Variants in TBC1D14 observed in about 807,000 individuals in gnomAD.
TBC1D14 encodes the protein TBC1 domain family member 14, also known as TBC1 domain family, member 14.
In TBC1D14, 26 loss-of-function variants were observed where a neutral mutation model predicts 79.0. The ratio of observed to expected loss-of-function variants is 0.33; its 90% CI spans 0.24 to 0.46. The LOEUF is 0.46. Among genes scored for constraint, TBC1D14 ranks in the 20% least tolerant of loss-of-function variants. TBC1D14 has a pLI of 1.00. For synonymous variants in TBC1D14, 394 were observed against 349.9 expected, an observed-to-expected ratio of 1.13 and a Z score of -1.40; for missense variants, 769 against 887.6, an observed-to-expected ratio of 0.87 and a Z score of 1.70.
At chr4:6,956,657 AGG>A (rs1714670433) in intron 2 of TBC1D14, among the ~76,000 whole-genome samples, 1 of 152,204 alleles carries the variant, frequency 6.6e-6, no homozygotes, top group South Asian at 2.1e-4. Context: ...TCTCTGTGGA[AGG>A]GCAAGGCTGG....
intron 3 of TBC1D14, chr4:6,987,290 C>T (rs1717958953): frequency 2.2e-6 from 3 of 1,353,556 alleles, no homozygotes; most frequent in South Asian, 1.8e-5. Flanking sequence ...GGGAGGCCGG[C>T]CCTCCGCTCG....
chr4:6,911,331 T>C (rs1722972011), intron 1 of TBC1D14, among the ~76,000 whole-genome samples: 1 of 152,208 alleles, frequency 6.6e-6, no homozygotes, highest in African/African-American at 2.4e-5. Flanking sequence ...TGTCAGCTGG[T>C]ACTAAGGGAG....
At chr4:6,925,613 T>C (rs768511581) in intron 2 of TBC1D14, among the ~76,000 whole-genome samples, 1 of 152,194 alleles carries the variant, frequency 6.6e-6, no homozygotes, top group Non-Finnish European at 1.5e-5. Flanking sequence ...AACTTTCTTC[T>C]CGAATGTGCT....
chr4:7,016,576 A>G (rs1316615295), intron 12 of TBC1D14, among the ~76,000 whole-genome samples: 1 of 152,170 alleles, frequency 6.6e-6, no homozygotes, highest in African/African-American at 2.4e-5. Flanking sequence ...TGTCTTTCAA[A>G]CTTTTCCCAC....
chr4:6,968,693 A>ACTGCTGG (rs1553862015), intron 3 of TBC1D14, among the ~76,000 whole-genome samples: 2 of 148,108 alleles, frequency 1.4e-5, no homozygotes, highest in African/African-American at 2.4e-5. Context: ...CTGACCGCCG[A>ACTGCTGG]GAGGAGGCTG....
chr4:6,937,858 GT>G (rs1712495185), intron 2 of TBC1D14, among the ~76,000 whole-genome samples: 2 of 152,138 alleles, frequency 1.3e-5, no homozygotes, highest in African/African-American at 4.8e-5. Flanking sequence ...GGTCGTCACC[GT>G]GTGGGCGGGG....
At chr4:6,961,281 A>G (rs1715167353) in intron 2 of TBC1D14, among the ~76,000 whole-genome samples, 1 of 152,174 alleles carries the variant, frequency 6.6e-6, no homozygotes, top group Admixed American at 6.5e-5. Flanking sequence ...AGGCTCTGCC[A>G]TATGGCTTTA....
intron 2 of TBC1D14, among the ~76,000 whole-genome samples, chr4:6,925,883 C>T (rs551826604): frequency 7.2e-5 from 11 of 152,288 alleles, no homozygotes; most frequent in African/African-American, 1.7e-4. Context: ...AGGATCCATC[C>T]AGACATACAG....
intron 1 of TBC1D14, among the ~76,000 whole-genome samples, chr4:6,913,582 C>T (rs1375740962): frequency 7.2e-5 from 11 of 152,170 alleles, no homozygotes; most frequent in Admixed American, 7.2e-4. Context: ...TTCCTCAGTG[C>T]CCTTGGCAGG....
chr4:7,027,699 C>T (rs1261759845), intron 13 of TBC1D14, among the ~76,000 whole-genome samples: 1 of 124,994 alleles, frequency 8.0e-6, no homozygotes, highest in East Asian at 2.8e-4. Context: ...AATCACCCCC[C>T]ACACATCACA....
intron 2 of TBC1D14, among the ~76,000 whole-genome samples, chr4:6,962,384 C>T (rs1175671875): frequency 5.3e-5 from 8 of 152,126 alleles, no homozygotes; most frequent in African/African-American, 1.9e-4. Flanking sequence ...CGATTGTTTA[C>T]TTGCCGTGCC....
chr4:6,915,367 A>G (rs1490743392), intron 1 of TBC1D14, among the ~76,000 whole-genome samples: 1 of 152,150 alleles, frequency 6.6e-6, no homozygotes, highest in East Asian at 1.9e-4. Context: ...GTTGGGGGTC[A>G]CTGCACCTGC....
chr4:6,984,199 C>T (rs1047691164), intron 3 of TBC1D14, among the ~76,000 whole-genome samples: 35 of 152,236 alleles, frequency 2.3e-4, no homozygotes, highest in Admixed American at 2.0e-3. Context: ...TACAGTCAGT[C>T]GTGTGGACTT....
chr4:6,993,622 G>C (rs1388235173), intron 3 of TBC1D14, among the ~76,000 whole-genome samples: 1 of 152,198 alleles, frequency 6.6e-6, no homozygotes, highest in African/African-American at 2.4e-5. Flanking sequence ...TCCTCAAAGG[G>C]GCTGCTTTGA....
intron 12 of TBC1D14, among the ~76,000 whole-genome samples, chr4:7,018,994 G>A (rs1228904510): frequency 3.3e-5 from 5 of 152,136 alleles, no homozygotes; most frequent in Non-Finnish European, 7.4e-5. Context: ...CCTTGGAGAT[G>A]CTGTCATTGC....
intron 11 of TBC1D14, among the ~76,000 whole-genome samples, chr4:7,013,899 A>T (rs1281842686): frequency 1.3e-5 from 2 of 151,908 alleles, no homozygotes; most frequent in South Asian, 2.1e-4. Context: ...GCCCGCCACC[A>T]CGCCTGGCTA....
chr4:6,963,413 G>C (rs1715420911), intron 2 of TBC1D14, among the ~76,000 whole-genome samples: 1 of 152,238 alleles, frequency 6.6e-6, no homozygotes, highest in South Asian at 2.1e-4. Flanking sequence ...CTGTCGGGCA[G>C]ACAGCACAGA....
chr4:6,999,804 C>T (rs1289129572), intron 6 of TBC1D14, among the ~76,000 whole-genome samples: 1 of 152,152 alleles, frequency 6.6e-6, no homozygotes, highest in Non-Finnish European at 1.5e-5. Flanking sequence ...TCTGTTCAGG[C>T]CTCTGTCTTC....
intron 12 of TBC1D14, among the ~76,000 whole-genome samples, chr4:7,023,632 G>A (rs1722045327): frequency 6.6e-6 from 1 of 152,220 alleles, no homozygotes. Context: ...GCCTCATGGT[G>A]TGTGCTGAGG....
Sources: gnomAD v4.1 joint callset for allele counts (sites outside exome capture counted in the v4.1 genomes callset) on GRCh38, gnomAD v4.1.1 for gene constraint, MANE v1.5 for transcripts, NCBI Gene and HGNC (gene_info 2026-07-23, HGNC 2026-07-21) for gene names.